UBL3: variants seen among roughly 807,000 people sequenced by gnomAD.
UBL3 encodes ubiquitin-like protein 3.
UBL3 carries 6 observed loss-of-function variants against 18.4 expected under a neutral mutation model. The ratio of observed to expected loss-of-function variants is 0.33; its 90% CI spans 0.18 to 0.64. The LOEUF (loss-of-function observed/expected upper bound fraction) is 0.64. Ranked by LOEUF, UBL3 falls within the 30% of genes least tolerant of loss-of-function variation. The pLI is 0.76. For synonymous variants in UBL3, 49 were observed against 46.6 expected (o/e 1.05, Z -0.21); for missense variants, 109 against 142.9 (o/e 0.76, Z 1.21).
intron 1 of UBL3, among the ~76,000 whole-genome samples, chr13:29,794,711 G>A (rs1315218581): frequency 6.6e-6 from 1 of 152,166 alleles, no homozygotes; most frequent in African/African-American, 2.4e-5. Flanking sequence ...GGCACTGGGT[G>A]CCCTTTCTCC....
In UBL3 at chr13:29,835,163, T is replaced by A. The variant is rs1464712189; in HGVS notation, c.27+14349A>T. 2.2e-4 allele frequency among the ~76,000 whole-genome samples: 12 copies of A among 54,794 alleles called. 1 individual carries two copies. Among genetic ancestry groups the A allele is most frequent in the South Asian group, 1.5e-3 (2 of 1,360 alleles). 35.9% of individuals were successfully genotyped at this position (54,794 alleles called of 152,430 possible). ...ATATATATATATATATATATATATA[T>A]ATATATATATATATATATATATCTC... On this transcript the variant is annotated intron_variant, in intron 1 of 4. Transcript: ENST00000380680.
intron 1 of UBL3, among the ~76,000 whole-genome samples, chr13:29,846,101 A>T (rs166760): frequency 1.3e-5 from 2 of 152,024 alleles, no homozygotes; most frequent in African/African-American, 4.8e-5. Flanking sequence ...AGTGGTTAAC[A>T]TAAGTCACAC....
chr13:29,799,553 A>G (rs934270477), intron 1 of UBL3, among the ~76,000 whole-genome samples: 2 of 152,242 alleles, frequency 1.3e-5, no homozygotes, highest in Admixed American at 1.3e-4. Flanking sequence ...CCATACACTA[A>G]GACTATAAAA....
chr13:29,776,846 G>A (rs1877007815), intron 2 of UBL3, among the ~76,000 whole-genome samples: 1 of 118,010 alleles, frequency 8.5e-6, no homozygotes, highest in Non-Finnish European at 1.6e-5. Flanking sequence ...ACTCCAGCCT[G>A]GCGACATAGC....
chr13:29,836,579 T>A (rs1292749878), intron 1 of UBL3, among the ~76,000 whole-genome samples: 1 of 151,694 alleles, frequency 6.6e-6, no homozygotes, highest in African/African-American at 2.4e-5. Context: ...GGGAAACACT[T>A]TGAAGATCTC....
intron 1 of UBL3, among the ~76,000 whole-genome samples, chr13:29,789,028 T>C (rs777931233): frequency 7.9e-5 from 12 of 152,096 alleles, no homozygotes; most frequent in Non-Finnish European, 1.5e-4. Flanking sequence ...GCCTCTCAAG[T>C]GGCTGGGATT....
intron 1 of UBL3, among the ~76,000 whole-genome samples, chr13:29,839,710 G>A (rs1039067880): frequency 3.7e-4 from 57 of 152,100 alleles, no homozygotes; most frequent in Non-Finnish European, 8.1e-4. Context: ...GGAGGATCAC[G>A]AGGTCAGGAG....
At chr13:29,784,278 A>G (rs140430804) in intron 1 of UBL3, among the ~76,000 whole-genome samples, 9 of 152,278 alleles carry the variant, frequency 5.9e-5, no homozygotes, top group Admixed American at 2.0e-4. Flanking sequence ...TGGTCTTTGG[A>G]TATAAAATAT....
chr13:29,811,664 A>C (rs1878090049), intron 1 of UBL3, among the ~76,000 whole-genome samples: 1 of 152,112 alleles, frequency 6.6e-6, no homozygotes, highest in African/African-American at 2.4e-5. Flanking sequence ...GAAAGTACTG[A>C]GCAACAAGCA....
At chr13:29,771,798 A>G (rs745936668) in intron 3 of UBL3, among the ~76,000 whole-genome samples, 4 of 152,056 alleles carry the variant, frequency 2.6e-5, no homozygotes, top group Non-Finnish European at 5.9e-5. Context: ...GTCCAGTCTT[A>G]AGTTTAAAAT....
Position 29,838,438 on chromosome 13 carries a change from T to C in UBL3, c.27+11074A>G, listed in dbSNP as rs541213313. On this transcript the variant is annotated intron_variant, in intron 1 of 4. Transcript: ENST00000380680. ...GATTATTTTAACAACAACATTACTC[T>C]TATTACCACTGTTATAATTACTTTA... Among the ~76,000 whole-genome samples the C allele has an allele frequency of 2.1e-4, 32 of 152,304 alleles. No individual in the cohort carries two copies. The South Asian group carries it at 6.2e-3, about 30-fold the overall frequency.
chr13:29,812,504 G>A (rs1390890433), intron 1 of UBL3, among the ~76,000 whole-genome samples: 1 of 151,934 alleles, frequency 6.6e-6, no homozygotes, highest in Non-Finnish European at 1.5e-5. Context: ...ATATGTTGAA[G>A]GTATCAGGTG....
intron 1 of UBL3, among the ~76,000 whole-genome samples, chr13:29,839,101 T>C (rs1879029193): frequency 6.6e-6 from 1 of 152,212 alleles, no homozygotes. Context: ...CTCACATATT[T>C]GGCAATGTTA....
At chr13:29,768,119 A>C (rs1876741458) in intron 3 of UBL3, among the ~76,000 whole-genome samples, 1 of 152,106 alleles carries the variant, frequency 6.6e-6, no homozygotes, top group Admixed American at 6.6e-5. Flanking sequence ...ACAGGCTACT[A>C]TGATGTAGAA....
At chr13:29,835,129 T>A (rs1360683276) in intron 1 of UBL3, among the ~76,000 whole-genome samples, 15 of 3,882 alleles carry the variant, frequency 3.9e-3, no homozygotes, top group South Asian at 0.021. Context: ...TATATAAATA[T>A]ATATATATAT....
At chr13:29,767,441 GT>G in intron 4 of UBL3, 134 bp from the exon 5 acceptor site, 1 of 1,235,484 alleles carries the variant, frequency 8.1e-7, no homozygotes, top group Non-Finnish European at 1.1e-6. Context: ...TTAAGAAGCT[GT>G]AATAAATGTT....
chr13:29,786,594 A>AT (rs1445290257), intron 1 of UBL3, among the ~76,000 whole-genome samples: 1 of 152,236 alleles, frequency 6.6e-6, no homozygotes, highest in East Asian at 1.9e-4. Flanking sequence ...CGAAGAAGTA[A>AT]TTTAAGCCAT....
Position 29,817,575 on chromosome 13 carries a change from C to A in UBL3, c.27+31937G>T, listed in dbSNP as rs948289387. On this transcript the variant is annotated intron_variant, in intron 1 of 4. Coordinates refer to ENST00000380680, the MANE Select transcript of UBL3 (RefSeq NM_007106.4). The stretch of plus-strand genomic sequence containing the variant: ...AAATGTATTAGAAAGGAAAGCGTTT[C>A]TGGAGGTTTTCTATTTTTTTCAATG... Among the ~76,000 whole-genome samples the A allele has an allele frequency of 3.3e-5, 5 of 152,090 alleles. No individual in the cohort carries two copies. The South Asian group carries it at 1.0e-3, about 32-fold the overall frequency.
chr13:29,816,358 TACCATATA>T (rs774672285), intron 1 of UBL3, among the ~76,000 whole-genome samples: 10 of 152,186 alleles, frequency 6.6e-5, no homozygotes, highest in Non-Finnish European at 1.0e-4. Flanking sequence ...AAGGAATTTT[TACCATATA>T]AGCTGACTGT....
Sources: allele counts gnomAD v4.1 joint callset (sites outside exome capture counted in the v4.1 genomes callset), GRCh38; gene constraint gnomAD v4.1.1; transcripts MANE v1.5; gene names NCBI Gene and HGNC (gene_info 2026-07-23, HGNC 2026-07-21).